Variants in PTPRD observed in about 807,000 individuals in gnomAD.
PTPRD encodes the protein protein tyrosine phosphatase receptor type D.
A neutral mutation model predicts 214.5 loss-of-function variants in PTPRD; 34 were observed. The ratio of observed to expected loss-of-function variants is 0.16; its 90% confidence interval spans 0.12 to 0.21. The LOEUF (loss-of-function observed/expected upper bound fraction) is 0.21. Ranked by LOEUF, PTPRD falls within the 10% of genes least tolerant of loss-of-function variation. PTPRD has a pLI of 1.00. For synonymous variants in PTPRD, 1,128 were observed against 845.7 expected (o/e 1.33, Z -5.79); for missense variants, 2,545 against 2,398.7 (o/e 1.06, Z -1.27).
At chr9:9,127,816 G>A (rs1018501311) in intron 10 of PTPRD, among the ~76,000 whole-genome samples, 4 of 152,128 alleles carry the variant, frequency 2.6e-5, no homozygotes, top group African/African-American at 9.7e-5. Context: ...AGGAAAAAAA[G>A]AGGTGATGCC....
At chr9:9,697,651 T>G (rs1198001076) in intron 7 of PTPRD, among the ~76,000 whole-genome samples, 2 of 152,160 alleles carry the variant, frequency 1.3e-5, no homozygotes, top group South Asian at 2.1e-4. Context: ...AATTATTATA[T>G]GCCTTGGGGT....
chr9:8,550,453 A>G (rs1418231842), intron 14 of PTPRD, among the ~76,000 whole-genome samples: 1 of 152,220 alleles, frequency 6.6e-6, no homozygotes, highest in Non-Finnish European at 1.5e-5. Context: ...TATATTCTGC[A>G]TTATTTATTA....
rs142643515 is a variant in PTPRD at position 8,567,954 on chromosome 9, T to C, written c.353-39175A>G. Among the ~76,000 whole-genome samples the C allele has an allele frequency of 1.5e-3, 235 of 152,282 alleles. 1 individual carries two copies. Among genetic ancestry groups the C allele is most frequent in the African/African-American group, 5.2e-3 (215 of 41,560 alleles). On this transcript the variant is annotated intron_variant, in intron 14 of 45. Coordinates refer to ENST00000381196, the MANE Select transcript of PTPRD (RefSeq NM_002839.4). ...GACTAAAATATTAAAGTCATCACTA[T>C]GAATATATATTTAGAAATGAGACCT...
chr9:8,569,658 A>G (rs184933553), intron 14 of PTPRD, among the ~76,000 whole-genome samples: 2 of 152,210 alleles, frequency 1.3e-5, no homozygotes, highest in Admixed American at 1.3e-4. Flanking sequence ...ATTTATCTAA[A>G]CTGAGCAGTC....
At chr9:8,537,481 T>C (rs901458540) in intron 14 of PTPRD, among the ~76,000 whole-genome samples, 6 of 152,048 alleles carry the variant, frequency 3.9e-5, no homozygotes, top group Admixed American at 6.6e-5. Context: ...TACATACAGA[T>C]AGTATGCTTG....
rs142356210 is a variant in PTPRD at position 10,085,245 on chromosome 9, T to A, written c.-544-51455A>T. On this transcript the variant is annotated intron_variant, in intron 3 of 45. Coordinates refer to ENST00000381196, the MANE Select transcript of PTPRD (RefSeq NM_002839.4). ...AATTTTGACAACACGCCTTCTCAAC[T>A]GACGTGGCGAGAATTTTTTAAAAAA... Among the ~76,000 whole-genome samples the A allele has an allele frequency of 3.9e-5, 6 of 152,050 alleles. No individual in the cohort carries two copies. The East Asian group carries it at 1.2e-3, about 30-fold the overall frequency.
chr9:8,787,427 T>G (rs2096030493), intron 11 of PTPRD, among the ~76,000 whole-genome samples: 1 of 152,322 alleles, frequency 6.6e-6, no homozygotes, highest in African/African-American at 2.4e-5. Context: ...CTGCCCTTTA[T>G]CTTAAAATTT....
chr9:8,572,655 T>G (rs1225196993), intron 14 of PTPRD, among the ~76,000 whole-genome samples: 1 of 152,070 alleles, frequency 6.6e-6, no homozygotes, highest in East Asian at 1.9e-4. Context: ...GAGAGGTACT[T>G]GAGTCAACCT....
intron 11 of PTPRD, among the ~76,000 whole-genome samples, chr9:8,734,697 T>C (rs2098698745): frequency 6.6e-6 from 1 of 152,310 alleles, no homozygotes; most frequent in South Asian, 2.1e-4. Context: ...GCACAAGGTG[T>C]CTCAAGGCAG....
chr9:10,523,638 G>A (rs1488362522), intron 2 of PTPRD, among the ~76,000 whole-genome samples: 3 of 50,996 alleles, frequency 5.9e-5, no homozygotes, highest in Non-Finnish European at 1.4e-4. Flanking sequence ...GAAAGAAAGG[G>A]AGAGAGAGAG....
At chr9:10,345,436 C>A (rs2097056314) in intron 2 of PTPRD, among the ~76,000 whole-genome samples, 1 of 148,784 alleles carries the variant, frequency 6.7e-6, no homozygotes, top group African/African-American at 2.5e-5. Flanking sequence ...CCCCCACATG[C>A]CCCAGTGTGT....
intron 35 of PTPRD, among the ~76,000 whole-genome samples, chr9:8,419,573 C>T (rs762257382): frequency 1.3e-5 from 2 of 151,792 alleles, no homozygotes; most frequent in African/African-American, 2.4e-5. Flanking sequence ...AAAATATAAG[C>T]AGGTCATCTT....
chr9:9,837,393 C>G (rs186177527), intron 5 of PTPRD, among the ~76,000 whole-genome samples: 21 of 152,168 alleles, frequency 1.4e-4, no homozygotes, highest in Admixed American at 1.3e-3. Context: ...TGTTCTAGAA[C>G]CAATTGCATT....
At chr9:9,625,693 T>C (rs1333559059) in intron 7 of PTPRD, among the ~76,000 whole-genome samples, 1 of 152,002 alleles carries the variant, frequency 6.6e-6, no homozygotes, top group African/African-American at 2.4e-5. Context: ...TTATTGCAGA[T>C]GGTATGGGTC....
chr9:9,812,773 A>G (rs571391327), intron 5 of PTPRD, among the ~76,000 whole-genome samples: 2 of 152,286 alleles, frequency 1.3e-5, no homozygotes, highest in South Asian at 4.1e-4. Flanking sequence ...CTAACACTAT[A>G]TCAAATGGAC....
intron 9 of PTPRD, among the ~76,000 whole-genome samples, chr9:9,377,119 A>G (rs1032535301): frequency 6.6e-6 from 1 of 152,102 alleles, no homozygotes; most frequent in Non-Finnish European, 1.5e-5. Context: ...AGTTAAAACA[A>G]TTTTAAAATA....
intron 4 of PTPRD, among the ~76,000 whole-genome samples, chr9:9,960,850 A>G (rs1418262697): frequency 6.6e-6 from 1 of 152,214 alleles, no homozygotes; most frequent in Admixed American, 6.5e-5. Flanking sequence ...CAGCAAAAGA[A>G]ACTACCATCA....
chr9:10,164,736 A>G (rs2099148824), intron 3 of PTPRD, among the ~76,000 whole-genome samples: 1 of 151,688 alleles, frequency 6.6e-6, no homozygotes, highest in African/African-American at 2.4e-5. Context: ...ATTCAAATAT[A>G]TATACACACA....
chr9:10,474,738 A>C (rs902691340), intron 2 of PTPRD, among the ~76,000 whole-genome samples: 1 of 152,162 alleles, frequency 6.6e-6, no homozygotes, highest in Admixed American at 6.6e-5. Flanking sequence ...TTTGAAGTAA[A>C]ACACTACTCA....
Sources: gnomAD v4.1 joint callset for allele counts (sites outside exome capture counted in the v4.1 genomes callset) on GRCh38, gnomAD v4.1.1 for gene constraint, MANE v1.5 for transcripts, NCBI Gene and HGNC (gene_info 2026-07-23, HGNC 2026-07-21) for gene names.